The following ZNF143 variants were observed in gnomAD, a reference collection of about 807,000 sequenced individuals.
ZNF143 encodes the protein SPH-binding factor.
In ZNF143, 49 loss-of-function variants were observed where a neutral mutation model predicts 74.1. The ratio of observed to expected loss-of-function variants is 0.66; its 90% CI spans 0.53 to 0.84. The LOEUF (loss-of-function observed/expected upper bound fraction) is 0.84, where lower values mean the gene tolerates loss of function less well. Ranked by LOEUF, ZNF143 falls within the 40% of genes least tolerant of loss-of-function variation. ZNF143 has a pLI of 0.00. For missense variants in ZNF143, 637 were observed against 793.4 expected, an observed-to-expected ratio of 0.80 and a Z score of 2.37; for synonymous variants, 304 against 282.8, an observed-to-expected ratio of 1.07 and a Z score of -0.75.
At chr11:9,483,784 T>C (rs1190452384) in intron 7 of ZNF143, among the ~76,000 whole-genome samples, 1 of 140,748 alleles carries the variant, frequency 7.1e-6, no homozygotes, top group African/African-American at 2.8e-5. Flanking sequence ...GGAGTCTCAC[T>C]CTGTCACCAG....
At chr11:9,526,865 C>T (rs1264872124) in intron 15 of ZNF143, among the ~76,000 whole-genome samples, 1 of 152,176 alleles carries the variant, frequency 6.6e-6, no homozygotes, top group East Asian at 1.9e-4. Context: ...CGCTCTGTCA[C>T]CCAGGCTGGA....
At chr11:9,486,615 G>T (rs1017592086) in intron 7 of ZNF143, among the ~76,000 whole-genome samples, 2 of 143,256 alleles carry the variant, frequency 1.4e-5, no homozygotes, top group Non-Finnish European at 3.0e-5. Flanking sequence ...TGCGAAAGAC[G>T]TTTGACTCCT....
intron 1 of ZNF143, among the ~76,000 whole-genome samples, chr11:9,470,287 G>T (rs1374335592): frequency 6.6e-6 from 1 of 152,170 alleles, no homozygotes; most frequent in African/African-American, 2.4e-5. Flanking sequence ...TCAGCAGTGA[G>T]CAAACAAACA....
chr11:9,503,753 T>G (rs1276606024), intron 11 of ZNF143, among the ~76,000 whole-genome samples: 1 of 151,676 alleles, frequency 6.6e-6, no homozygotes, highest in African/African-American at 2.4e-5. Context: ...AGCGATTGAT[T>G]GATTGATCCT....
chr11:9,478,881 A>G (rs1266260862), intron 6 of ZNF143, among the ~76,000 whole-genome samples: 4 of 152,146 alleles, frequency 2.6e-5, no homozygotes, highest in Non-Finnish European at 4.4e-5. Context: ...TGAAGTGTGG[A>G]AAGATTGGAA....
At chr11:9,484,986 A>G (rs950788520) in intron 7 of ZNF143, among the ~76,000 whole-genome samples, 3 of 148,150 alleles carry the variant, frequency 2.0e-5, no homozygotes, top group African/African-American at 7.7e-5. Flanking sequence ...TTTAGTAGAG[A>G]CAGGGTTTCA....
At chr11:9,501,925 CTTTTT>C (rs57169874) in intron 11 of ZNF143, among the ~76,000 whole-genome samples, 5 of 37,438 alleles carry the variant, frequency 1.3e-4, no homozygotes, top group Admixed American at 3.9e-4. Flanking sequence ...TGGATATATT[CTTTTT>C]TTTTTTTTTT....
intron 3 of ZNF143, among the ~76,000 whole-genome samples, chr11:9,473,407 A>G (rs1041432699): frequency 6.6e-6 from 1 of 151,070 alleles, no homozygotes; most frequent in Non-Finnish European, 1.5e-5. Flanking sequence ...AAAAAAAAAA[A>G]GACATTTGGT....
At chr11:9,502,607 C>CA (rs35945973) in intron 11 of ZNF143, among the ~76,000 whole-genome samples, 34 of 135,242 alleles carry the variant, frequency 2.5e-4, no homozygotes, top group South Asian at 9.8e-4. Context: ...GACTCCATCT[C>CA]AAAAAAAAAA....
intron 10 of ZNF143, among the ~76,000 whole-genome samples, chr11:9,500,610 T>A (rs1056765781): frequency 6.6e-6 from 1 of 152,022 alleles, no homozygotes; most frequent in East Asian, 1.9e-4. Context: ...ATTTTTTGTA[T>A]TTTTAATAGA....
At chr11:9,473,746 T>C in intron 3 of ZNF143, 195 bp from the exon 4 acceptor site, 10 of 1,513,650 alleles carry the variant, frequency 6.6e-6, no homozygotes, top group Non-Finnish European at 8.0e-6. Context: ...GGAGGAAGGA[T>C]GGCTGAGGGA....
intron 5 of ZNF143, among the ~76,000 whole-genome samples, chr11:9,475,132 C>G (rs747605248): frequency 2.0e-5 from 3 of 151,386 alleles, no homozygotes; most frequent in Non-Finnish European, 4.4e-5. Flanking sequence ...GCCAGCCTCC[C>G]AAAGTGCTGG....
intron 12 of ZNF143, among the ~76,000 whole-genome samples, chr11:9,509,645 A>G (rs949183344): frequency 2.5e-4 from 38 of 152,216 alleles, no homozygotes; most frequent in African/African-American, 8.2e-4. Flanking sequence ...GCATTGAAAA[A>G]CATTTAGGTG....
At chr11:9,469,215 C>CT (rs33968880) in intron 1 of ZNF143, among the ~76,000 whole-genome samples, 2,282 of 97,440 alleles carry the variant, frequency 0.023, 38 homozygotes, top group African/African-American at 0.051. Flanking sequence ...CAGCAGGGGT[C>CT]TTTTTTTTTT....
At chr11:9,520,031 T>C (rs1848859174) in intron 14 of ZNF143, among the ~76,000 whole-genome samples, 1 of 128,524 alleles carries the variant, frequency 7.8e-6, no homozygotes, top group Non-Finnish European at 1.6e-5. Flanking sequence ...ACCAATTTTT[T>C]TTTTTTTTTT....
chr11:9,478,175 C>T (rs1847092735), intron 5 of ZNF143, among the ~76,000 whole-genome samples: 1 of 152,170 alleles, frequency 6.6e-6, no homozygotes, highest in Non-Finnish European at 1.5e-5. Flanking sequence ...GATGTTACTT[C>T]TCCAAACCTG....
Position 9,471,366 on chromosome 11 carries a change from G to C in ZNF143, c.58G>C (p.Gly20Arg). 1 of 1,612,812 alleles carries C rather than the reference G, an allele frequency of 6.2e-7. No homozygotes were observed. Among genetic ancestry groups the C allele is most frequent in the Non-Finnish European group, 8.5e-7 (1 of 1,179,530 alleles). Residue 20 changes from glycine (G) to arginine (R), a missense_variant, in exon 2 of 16, where the codon GGG becomes CGG. Coordinates refer to ENST00000396602, the MANE Select transcript of ZNF143 (RefSeq NM_003442.6). Reference protein sequence around the residue: ...SQGMTEFPGGGMEAQHVTLCL... With the variant: ...SQGMTEFPGGRMEAQHVTLCL... ...GGGAATGACAGAGTTTCCTGGAGGA[G>C]GGATGGAGGCGCAACATGTTACGCT... is the stretch of plus-strand genomic sequence containing the variant.
intron 7 of ZNF143, among the ~76,000 whole-genome samples, chr11:9,486,884 G>C (rs1847576977): frequency 6.7e-6 from 1 of 149,454 alleles, no homozygotes; most frequent in South Asian, 2.1e-4. Context: ...TAGCCAGGAT[G>C]GTCTTGATCT....
intron 15 of ZNF143, 76 bp from the exon 16 acceptor site, chr11:9,527,454 A>C: frequency 3.0e-6 from 4 of 1,355,840 alleles, no homozygotes; most frequent in Non-Finnish European, 3.2e-6. Flanking sequence ...CACTTCTGGC[A>C]TATAACATTT....
Sources: allele counts gnomAD v4.1 joint callset (sites outside exome capture counted in the v4.1 genomes callset), GRCh38; gene constraint gnomAD v4.1.1; transcripts MANE v1.5; gene names NCBI Gene and HGNC (gene_info 2026-07-23, HGNC 2026-07-21).